The following FRY variants were observed in gnomAD, a reference collection of about 807,000 sequenced individuals.
FRY encodes FRY microtubule binding protein.
A neutral mutation model predicts 348.4 loss-of-function variants in FRY; 128 were observed. The observed-to-expected ratio is 0.37, with a 90% CI of 0.32 to 0.43. FRY has a LOEUF of 0.43. FRY is among the 20% of genes least tolerant of loss of function. The pLI, the probability that FRY is intolerant of heterozygous loss-of-function variation, is 1.00. For synonymous variants in FRY, 1,370 were observed against 1,374.7 expected, an observed-to-expected ratio of 1.00 and a Z score of 0.08; for missense variants, 2,736 against 3,695.2, an observed-to-expected ratio of 0.74 and a Z score of 6.73.
rs527815927 is a variant in FRY at position 32,071,335 on chromosome 13, C to CTATCCATG, written c.71-7497_71-7490dup. Among the ~76,000 whole-genome samples the CTATCCATG allele has an allele frequency of 3.5e-4, 53 of 152,282 alleles. 1 individual carries two copies. Among genetic ancestry groups the CTATCCATG allele is most frequent in the African/African-American group, 1.2e-3 (51 of 41,550 alleles). ...CCATTTTCATGGATATTGATTCTTC[C>CTATCCATG]TATCCATGTGCATTGAATGTTCTTC... is the stretch of plus-strand genomic sequence containing the variant. On this transcript the variant is annotated intron_variant, in intron 1 of 60. Transcript: ENST00000542859.
rs143113325 is a variant in FRY, at chr13:32,171,512, G to A, written c.2151+242G>A. ...TTTTAGCAGAGATTGGGGTTTTGCC[G>A]TCTTGGCCAGGCTGGTCTCGAACTC... On this transcript the variant is annotated intron_variant, in intron 18 of 60. Coordinates refer to ENST00000542859, the MANE Select transcript of FRY (RefSeq NM_023037.3). 1.5e-3 allele frequency among the ~76,000 whole-genome samples: 234 copies of A among 151,806 alleles called. 1 individual carries two copies. The East Asian group carries it at 0.027, about 18-fold the overall frequency.
intron 39 of FRY, 116 bp downstream of exon 39, chr13:32,226,090 A>G (rs1187374785): frequency 3.9e-5 from 32 of 818,086 alleles, no homozygotes; most frequent in Non-Finnish European, 3.8e-5. Flanking sequence ...CCAACTTTCC[A>G]CGTGGTAAAT....
chr13:32,124,555 G>T (rs377239288), intron 5 of FRY, 47 bp from the exon 6 acceptor site: 1 of 1,133,626 alleles, frequency 8.8e-7, no homozygotes. Context: ...GTACCGATTT[G>T]TTCTTTAATA....
chr13:32,201,123 C>G (rs758655729), intron 29 of FRY, among the ~76,000 whole-genome samples: 2 of 152,178 alleles, frequency 1.3e-5, no homozygotes, highest in African/African-American at 4.8e-5. Flanking sequence ...CCTTCTGTTC[C>G]TCTACTTATT....
intron 59 of FRY, among the ~76,000 whole-genome samples, chr13:32,292,317 G>A (rs959892390): frequency 2.6e-5 from 4 of 152,116 alleles, no homozygotes; most frequent in African/African-American, 4.8e-5. Flanking sequence ...TTTACTCCTG[G>A]TGAAGATGCT....
At chr13:32,065,984 G>A (rs146138956) in intron 1 of FRY, among the ~76,000 whole-genome samples, 1,631 of 152,132 alleles carry the variant, frequency 0.011, 32 homozygotes, top group African/African-American at 0.037. Flanking sequence ...ATGCATTCTA[G>A]GAAATATAGA....
Position 32,267,366 on chromosome 13 carries a change from G to A in FRY, c.8136+7G>A, listed in dbSNP as rs748776332. ...GTTCTCCTCCTTGTTTAAGGTATGT[G>A]TGCTCACTGAAAGTGCAGAGGACTT... On this transcript the variant is annotated splice_region_variant and intron_variant, in intron 55 of 60. Coordinates refer to ENST00000542859, the MANE Select transcript of FRY (RefSeq NM_023037.3). 4.9e-5 allele frequency: 79 copies of A among 1,612,598 alleles called. No individual in the cohort carries two copies. The highest frequency in any genetic ancestry group is 6.1e-5 in the Non-Finnish European group (72 of 1,178,872).
intron 8 of FRY, among the ~76,000 whole-genome samples, chr13:32,133,928 G>A (rs1321238848): frequency 4.0e-5 from 6 of 151,628 alleles, no homozygotes; most frequent in Admixed American, 2.0e-4. Flanking sequence ...TACGGGTGCC[G>A]CCATCATGCC....
In FRY at chr13:32,237,399, G is replaced by T; in HGVS notation, c.5831G>T (p.Ser1944Ile). 1.2e-6 allele frequency: 2 copies of T among 1,613,934 alleles called. No homozygotes were observed. Among genetic ancestry groups the T allele is most frequent in the Non-Finnish European group, 8.5e-7 (1 of 1,179,996 alleles). Residue 1944 changes from serine to isoleucine, a missense_variant, in exon 44 of 61, where the codon AGC becomes ATC. Physicochemically the swap from Ser to Ile is moderately radical, Grantham distance 142 (BLOSUM62 -2). This residue lies in a region of FRY where 794 missense variants were observed against 977.0 expected (regional missense o/e 0.81). Coordinates refer to ENST00000542859, the MANE Select transcript of FRY (RefSeq NM_023037.3). The surrounding 1 kb of genome is among the most constrained non-coding windows in gnomAD (Gnocchi z 6.3). ...CCCAGCTCTTCCTCACCAGATTTAA[G>T]CTCCAGCAGTAAACTAACAGCAAGC... is the stretch of plus-strand genomic sequence containing the variant. The part of the protein sequence containing the change: ...VLSRSSSPDL[S>I]SSSKLTASRK...
intron 2 of FRY, among the ~76,000 whole-genome samples, chr13:32,082,338 T>C (rs1726206514): frequency 6.6e-6 from 1 of 152,122 alleles, no homozygotes; most frequent in Non-Finnish European, 1.5e-5. Flanking sequence ...CAAAAGATGC[T>C]CAGGTCATAT....
At chr13:32,294,724 T>C (rs918949690) in intron 60 of FRY, among the ~76,000 whole-genome samples, 154 bp downstream of exon 60, 3 of 152,248 alleles carry the variant, frequency 2.0e-5, no homozygotes, top group Non-Finnish European at 4.4e-5. Context: ...CACTCAGCTT[T>C]CAGAACACTA....
intron 58 of FRY, among the ~76,000 whole-genome samples, chr13:32,286,374 A>G (rs945231484): frequency 6.6e-6 from 1 of 152,172 alleles, no homozygotes; most frequent in Non-Finnish European, 1.5e-5. Context: ...AAAAAAATAC[A>G]TTCTGTCAAG....
rs571947379 is a variant in FRY, at chr13:32,257,086, T to C, written c.7416+2692T>C. On this transcript the variant is annotated intron_variant, in intron 51 of 60. Coordinates refer to ENST00000542859, the MANE Select transcript of FRY (RefSeq NM_023037.3). ...TAGGTCCCATCCCCAAGATATCTCA[T>C]TATGTATATGCAAATATTTCAAAAA... Among the ~76,000 whole-genome samples, 5 of 152,312 alleles carry C rather than the reference T, an allele frequency of 3.3e-5. No homozygotes were observed. The East Asian group carries it at 7.7e-4, about 24-fold the overall frequency.
chr13:32,124,712 A>T, intron 6 of FRY, 31 bp downstream of exon 6: 2 of 1,523,688 alleles, frequency 1.3e-6, no homozygotes, highest in Non-Finnish European at 1.8e-6. Context: ...AGAATGTTGA[A>T]GTTGGTGTTT....
intron 3 of FRY, among the ~76,000 whole-genome samples, chr13:32,110,731 A>T (rs1877898969): frequency 6.6e-6 from 1 of 152,216 alleles, no homozygotes; most frequent in African/African-American, 2.4e-5. Flanking sequence ...TGATATAAAC[A>T]TACAATGTGT....
intron 4 of FRY, among the ~76,000 whole-genome samples, chr13:32,120,199 A>C (rs1367744046): frequency 1.3e-5 from 2 of 152,104 alleles, no homozygotes; most frequent in African/African-American, 2.4e-5. Context: ...TATCTTCTCA[A>C]ACTATTATGT....
intron 17 of FRY, among the ~76,000 whole-genome samples, chr13:32,169,146 G>A (rs1881915441): frequency 6.6e-6 from 1 of 152,132 alleles, no homozygotes; most frequent in Admixed American, 6.5e-5. Context: ...GCCTCTGTCT[G>A]CCCTTGCCCC....
intron 29 of FRY, among the ~76,000 whole-genome samples, chr13:32,197,186 A>G (rs373103703): frequency 6.6e-6 from 1 of 152,152 alleles, no homozygotes; most frequent in South Asian, 2.1e-4. Context: ...ATTTTTAAAT[A>G]ATTTTGTTGG....
intron 53 of FRY, among the ~76,000 whole-genome samples, chr13:32,264,429 G>A (rs1887819300): frequency 6.6e-6 from 1 of 151,980 alleles, no homozygotes; most frequent in South Asian, 2.1e-4. Context: ...ACACTGAGTG[G>A]ACAGATGTTA....
Sources: allele counts gnomAD v4.1 joint callset (sites outside exome capture counted in the v4.1 genomes callset), GRCh38; gene constraint gnomAD v4.1.1; regional missense constraint gnomAD v4.1.1; non-coding constraint Gnocchi (gnomAD v3.1); transcripts MANE v1.5; gene names NCBI Gene and HGNC (gene_info 2026-07-23, HGNC 2026-07-21).